The following CPQ variants were observed in gnomAD, a reference collection of about 807,000 sequenced individuals.
The protein encoded by CPQ is Ser-Met dipeptidase.
In CPQ, 37 loss-of-function variants were observed where a neutral mutation model predicts 45.7. That is an observed-to-expected ratio of 0.81 (90% CI 0.62 to 1.07). The LOEUF (loss-of-function observed/expected upper bound fraction) is 1.07, where lower values mean the gene tolerates loss of function less well. Ranked by LOEUF, CPQ falls within the 50% of genes least tolerant of loss-of-function variation. The probability of loss-of-function intolerance (pLI) is 0.00; values close to 1 mark genes in which losing one functional copy is unlikely to be tolerated. For missense variants in CPQ, 537 were observed against 572.9 expected, an observed-to-expected ratio of 0.94 and a Z score of 0.64; for synonymous variants, 186 against 205.8, an observed-to-expected ratio of 0.90 and a Z score of 0.82.
intron 1 of CPQ, among the ~76,000 whole-genome samples, chr8:96,717,431 C>T (rs976561976): frequency 6.6e-6 from 1 of 151,984 alleles, no homozygotes; most frequent in South Asian, 2.1e-4. Context: ...TATTTTTATA[C>T]CAGTACCGTG....
At chr8:96,658,907 G>A (rs921120618) in intron 1 of CPQ, among the ~76,000 whole-genome samples, 2 of 152,300 alleles carry the variant, frequency 1.3e-5, no homozygotes, top group African/African-American at 2.4e-5. Flanking sequence ...TTGCTTTTAC[G>A]TGATGCATAC....
At position 96,684,747 on chromosome 8, in the gene CPQ, G is replaced by T. The variant is rs140810582; in HGVS notation, c.-35+39345G>T. Among the ~76,000 whole-genome samples, 286 of 152,232 alleles carry T rather than the reference G, an allele frequency of 1.9e-3. 5 individuals carry two copies. The highest frequency in any genetic ancestry group is 0.012 in the Admixed American group (191 of 15,292). Reference sequence around the variant, plus strand: ...GCAGGGAAAGTGAGCCTGTCCTCAGGCCCCCTGATAGTGTGGGGAGGTACG... The same window carrying T: ...GCAGGGAAAGTGAGCCTGTCCTCAGTCCCCCTGATAGTGTGGGGAGGTACG... On this transcript the variant is annotated intron_variant, in intron 1 of 7. Coordinates refer to ENST00000220763, the MANE Select transcript of CPQ (RefSeq NM_016134.4).
chr8:96,921,571 T>C (rs1812807620), intron 4 of CPQ, among the ~76,000 whole-genome samples: 1 of 152,208 alleles, frequency 6.6e-6, no homozygotes, highest in African/African-American at 2.4e-5. Context: ...TTGGATGTCA[T>C]GTTTTTGAGG....
At chr8:97,130,424 T>C (rs77182099) in intron 7 of CPQ, among the ~76,000 whole-genome samples, 2 of 114,466 alleles carry the variant, frequency 1.7e-5, no homozygotes, top group East Asian at 3.9e-4. Context: ...TCAGCTGTTT[T>C]TTTTTTTTTT....
intron 1 of CPQ, among the ~76,000 whole-genome samples, chr8:96,740,850 C>G (rs1810076673): frequency 6.6e-6 from 1 of 152,136 alleles, no homozygotes; most frequent in African/African-American, 2.4e-5. Flanking sequence ...TGAGGTGCTG[C>G]TGGATTCGGT....
chr8:96,776,632 A>G (rs1032614131), intron 1 of CPQ, among the ~76,000 whole-genome samples: 5 of 152,172 alleles, frequency 3.3e-5, no homozygotes, highest in African/African-American at 1.2e-4. Flanking sequence ...CGAAATATAA[A>G]CCTATTATTA....
intron 7 of CPQ, among the ~76,000 whole-genome samples, chr8:97,130,679 A>G (rs937254831): frequency 1.6e-4 from 25 of 152,250 alleles, no homozygotes; most frequent in African/African-American, 5.5e-4. Flanking sequence ...CTTTGGGTCA[A>G]GATTTTTTCA....
intron 1 of CPQ, among the ~76,000 whole-genome samples, chr8:96,717,427 T>TA (rs1809696540): frequency 1.3e-5 from 2 of 152,108 alleles, no homozygotes; most frequent in Admixed American, 1.3e-4. Flanking sequence ...TGCCTATTTT[T>TA]ATACCAGTAC....
At chr8:96,946,135 A>T (rs1328226700) in intron 4 of CPQ, among the ~76,000 whole-genome samples, 1 of 151,042 alleles carries the variant, frequency 6.6e-6, no homozygotes, top group East Asian at 2.0e-4. Flanking sequence ...CTCCTCTTGC[A>T]TTTGATTTCA....
intron 1 of CPQ, among the ~76,000 whole-genome samples, chr8:96,686,824 T>C (rs1236577803): frequency 6.6e-6 from 1 of 152,168 alleles, no homozygotes; most frequent in Non-Finnish European, 1.5e-5. Flanking sequence ...GTTGAACTAT[T>C]TTGTTGGGAG....
At chr8:97,119,122 A>G (rs1443449624) in intron 7 of CPQ, among the ~76,000 whole-genome samples, 6 of 152,060 alleles carry the variant, frequency 3.9e-5, no homozygotes, top group African/African-American at 1.2e-4. Flanking sequence ...TGAGGTCAGG[A>G]GTTAAAGACC....
At chr8:96,706,807 AT>A (rs887436527) in intron 1 of CPQ, among the ~76,000 whole-genome samples, 2 of 152,038 alleles carry the variant, frequency 1.3e-5, no homozygotes, top group African/African-American at 4.8e-5. Context: ...GTCTTTCCAC[AT>A]TTTTTTGCAA....
intron 1 of CPQ, among the ~76,000 whole-genome samples, chr8:96,647,935 G>C (rs1815535919): frequency 6.6e-6 from 1 of 151,878 alleles, no homozygotes; most frequent in Non-Finnish European, 1.5e-5. Context: ...GTTGTTTCTT[G>C]GACTAGCTTT....
intron 1 of CPQ, among the ~76,000 whole-genome samples, chr8:96,682,745 G>A (rs1207087805): frequency 6.6e-6 from 1 of 152,052 alleles, no homozygotes; most frequent in Non-Finnish European, 1.5e-5. Context: ...TGTTTTATCT[G>A]ATATAACTAT....
intron 1 of CPQ, among the ~76,000 whole-genome samples, chr8:96,709,939 A>G (rs1809585021): frequency 6.6e-6 from 1 of 152,090 alleles, no homozygotes; most frequent in African/African-American, 2.4e-5. Context: ...ATCTTTTGGA[A>G]TAGTTTCAGT....
chr8:96,792,371 G>A (rs555308463), intron 2 of CPQ, among the ~76,000 whole-genome samples: 32 of 152,282 alleles, frequency 2.1e-4, no homozygotes, highest in Middle Eastern at 3.4e-3. Context: ...CAGACTATGC[G>A]GTTCTTTCCC....
At chr8:96,873,773 G>T (rs1255332112) in intron 3 of CPQ, among the ~76,000 whole-genome samples, 3 of 151,690 alleles carry the variant, frequency 2.0e-5, no homozygotes, top group African/African-American at 7.3e-5. Flanking sequence ...CCCCTGCACA[G>T]ACTTATATAT....
intron 6 of CPQ, among the ~76,000 whole-genome samples, chr8:97,031,032 G>A (rs946593583): frequency 1.3e-5 from 2 of 152,044 alleles, no homozygotes; most frequent in Admixed American, 1.3e-4. Context: ...GAACAGAGAC[G>A]TAAACAAGAG....
At chr8:96,920,311 G>A (rs963818228) in intron 4 of CPQ, among the ~76,000 whole-genome samples, 1 of 152,150 alleles carries the variant, frequency 6.6e-6, no homozygotes, top group Admixed American at 6.5e-5. Flanking sequence ...CCAGGGAAGA[G>A]TAGCTATATG....
Sources: gnomAD v4.1 joint callset for allele counts (sites outside exome capture counted in the v4.1 genomes callset) on GRCh38, gnomAD v4.1.1 for gene constraint, MANE v1.5 for transcripts, NCBI Gene and HGNC (gene_info 2026-07-23, HGNC 2026-07-21) for gene names.